MCF2L: variants seen among roughly 807,000 people sequenced by gnomAD.
MCF2L encodes the protein MCF.2 cell line derived transforming sequence like, also known as guanine nucleotide exchange factor DBS.
MCF2L carries 97 observed loss-of-function variants against 153.4 expected under a neutral mutation model. The observed-to-expected ratio is 0.63, with a 90% CI of 0.54 to 0.75. MCF2L has a LOEUF of 0.75. MCF2L is among the 30% of genes least tolerant of loss of function. The pLI is 0.00. For missense variants in MCF2L, 1,347 were observed against 1,495.2 expected (o/e 0.90, Z 1.64); for synonymous variants, 659 against 632.2 (o/e 1.04, Z -0.64).
chr13:112,928,926 T>C (rs530013266), intron 2 of MCF2L, among the ~76,000 whole-genome samples: 6 of 152,260 alleles, frequency 3.9e-5, no homozygotes, highest in African/African-American at 1.4e-4. Context: ...GCATCTGCAG[T>C]GGGGCTGTCT....
At chr13:112,975,843 C>A (rs2082195213) in intron 1 of MCF2L, among the ~76,000 whole-genome samples, 1 of 152,208 alleles carries the variant, frequency 6.6e-6, no homozygotes, top group African/African-American at 2.4e-5. Flanking sequence ...TCACTGTTCT[C>A]CCAGATGCCC....
intron 5 of MCF2L, among the ~76,000 whole-genome samples, chr13:113,061,207 T>TGAC (rs2031352645): frequency 6.6e-6 from 1 of 151,978 alleles, no homozygotes. Flanking sequence ...GCCAACAGGG[T>TGAC]GACCCCTGCC....
At chr13:113,096,001 T>G in intron 27 of MCF2L, 9 of 339,376 alleles carry the variant, frequency 2.7e-5, no homozygotes, top group South Asian at 1.3e-4. Flanking sequence ...GACGGGCGAG[T>G]CGGGGAGTAC....
intron 2 of MCF2L, among the ~76,000 whole-genome samples, chr13:112,934,657 G>A (rs997666786): frequency 4.6e-5 from 7 of 150,830 alleles, no homozygotes; most frequent in African/African-American, 1.5e-4. Flanking sequence ...GTTCTCAGCC[G>A]CCCAGTTGCA....
intron 1 of MCF2L, among the ~76,000 whole-genome samples, chr13:112,895,733 T>A (rs2081060970): frequency 6.6e-6 from 1 of 152,078 alleles, no homozygotes; most frequent in South Asian, 2.1e-4. Flanking sequence ...ACCCGGGTTT[T>A]AAGGCTCCCT....
At chr13:112,946,424 T>A (rs1183811164) in intron 2 of MCF2L, among the ~76,000 whole-genome samples, 3 of 152,182 alleles carry the variant, frequency 2.0e-5, no homozygotes, top group African/African-American at 7.2e-5. Context: ...TATATTGAAG[T>A]ACATGCCTTA....
At chr13:112,915,921 G>A (rs112591248) in intron 2 of MCF2L, among the ~76,000 whole-genome samples, 14 of 151,974 alleles carry the variant, frequency 9.2e-5, no homozygotes, top group Non-Finnish European at 1.8e-4. Flanking sequence ...AAAACAGGCC[G>A]GGCGCAGTGG....
intron 5 of MCF2L, among the ~76,000 whole-genome samples, chr13:113,061,921 C>T (rs931454369): frequency 8.4e-6 from 1 of 119,264 alleles, no homozygotes; most frequent in African/African-American, 3.4e-5. Context: ...CAAGACAGCC[C>T]TGGGGGTCAC....
intron 2 of MCF2L, among the ~76,000 whole-genome samples, chr13:112,959,958 C>A (rs1434197861): frequency 6.6e-6 from 1 of 152,232 alleles, no homozygotes; most frequent in East Asian, 1.9e-4. Context: ...ACGGCAGCAG[C>A]ACCTCCTGCA....
At chr13:112,982,760 G>A (rs541647881) in intron 1 of MCF2L, among the ~76,000 whole-genome samples, 40 of 152,318 alleles carry the variant, frequency 2.6e-4, no homozygotes, top group South Asian at 2.1e-3. Context: ...GGGACTTGGC[G>A]TGATGTCTGT....
At chr13:113,072,511 G>A (rs1019070780) in intron 9 of MCF2L, among the ~76,000 whole-genome samples, 4 of 152,274 alleles carry the variant, frequency 2.6e-5, no homozygotes, top group African/African-American at 9.6e-5. Context: ...AAAACTATCT[G>A]GGCCTAGAGA....
chr13:112,982,909 G>GT (rs1566687227), intron 1 of MCF2L, among the ~76,000 whole-genome samples: 2 of 152,164 alleles, frequency 1.3e-5, no homozygotes, highest in African/African-American at 4.8e-5. Flanking sequence ...GGTGTGGAGG[G>GT]GGTGTCGGTG....
intron 2 of MCF2L, among the ~76,000 whole-genome samples, chr13:112,948,714 G>A (rs1489813681): frequency 2.0e-5 from 3 of 152,166 alleles, no homozygotes; most frequent in Admixed American, 6.5e-5. Context: ...AAAATGAAGA[G>A]CAAAATAAAC....
At chr13:112,998,963 CTGAG>C (rs2083251050) in intron 1 of MCF2L, among the ~76,000 whole-genome samples, 1 of 152,194 alleles carries the variant, frequency 6.6e-6, no homozygotes, top group Admixed American at 6.5e-5. Flanking sequence ...GTCTCCTGGA[CTGAG>C]TGAGAAACGG....
At chr13:113,086,639 G>A (rs762526843) in intron 21 of MCF2L, among the ~76,000 whole-genome samples, 3 of 152,158 alleles carry the variant, frequency 2.0e-5, no homozygotes, top group Non-Finnish European at 4.4e-5. Context: ...TAGAGCAAGT[G>A]GCCCCAGAAG....
At chr13:113,075,473 A>AT (rs1359657860) in intron 11 of MCF2L, among the ~76,000 whole-genome samples, 1 of 150,812 alleles carries the variant, frequency 6.6e-6, no homozygotes, top group Non-Finnish European at 1.5e-5. Context: ...CTGTAGGTGC[A>AT]TGCCACCGTA....
intron 4 of MCF2L, among the ~76,000 whole-genome samples, chr13:113,050,745 G>GGTGGGGGCGGGGGC (rs2087233513): frequency 1.0e-4 from 2 of 19,598 alleles, no homozygotes; most frequent in Non-Finnish European, 2.1e-4. Context: ...CGGGGGGAGC[G>GGTGGGGGCGGGGGC]GGGGGGTGCG....
At chr13:112,913,863 C>CATTTTAAACA (rs2081261583) in intron 2 of MCF2L, among the ~76,000 whole-genome samples, 1 of 152,196 alleles carries the variant, frequency 6.6e-6, no homozygotes, top group South Asian at 2.1e-4. Context: ...TTAAACAGCT[C>CATTTTAAACA]TGTCTTCTCA....
intron 2 of MCF2L, among the ~76,000 whole-genome samples, chr13:113,021,692 T>C (rs960455618): frequency 6.6e-6 from 1 of 152,196 alleles, no homozygotes; most frequent in Non-Finnish European, 1.5e-5. Flanking sequence ...GGAGGGTTTC[T>C]CCAGAGAGGG....
Sources: gnomAD v4.1 joint callset for allele counts (sites outside exome capture counted in the v4.1 genomes callset) on GRCh38, gnomAD v4.1.1 for gene constraint, MANE v1.5 for transcripts, NCBI Gene and HGNC (gene_info 2026-07-23, HGNC 2026-07-21) for gene names.